ANKRD36C: variants seen among roughly 807,000 people sequenced by gnomAD.
The protein encoded by ANKRD36C is ankyrin repeat domain 36C, also known as ankyrin repeat domain-containing protein 36C.
A neutral mutation model predicts 276.4 loss-of-function variants in ANKRD36C; 61 were observed. That is an observed-to-expected ratio of 0.22 (90% CI 0.18 to 0.27). The LOEUF (loss-of-function observed/expected upper bound fraction) is 0.27, where lower values mean the gene tolerates loss of function less well. Among genes scored for constraint, ANKRD36C ranks in the 10% least tolerant of loss-of-function variants. The probability of loss-of-function intolerance (pLI) is 1.00; values close to 1 mark genes in which losing one functional copy is unlikely to be tolerated. For missense variants in ANKRD36C, 1,447 were observed against 2,032.3 expected, an observed-to-expected ratio of 0.71 and a Z score of 5.54; for synonymous variants, 483 against 680.1, an observed-to-expected ratio of 0.71 and a Z score of 4.51.
chr2:95,960,603 A>G, intron 9 of ANKRD36C, 36 bp downstream of exon 9: 1 of 1,355,160 alleles, frequency 7.4e-7, no homozygotes, highest in Non-Finnish European at 1.0e-6. Flanking sequence ...TAGACTATAC[A>G]GTTAATTATT....
intron 52 of ANKRD36C, among the ~76,000 whole-genome samples, 163 bp from the exon 73 acceptor site, chr2:95,884,531 C>T (rs1237735895): frequency 6.6e-6 from 1 of 151,890 alleles, no homozygotes. Context: ...CAGAAATACA[C>T]TGAAAAAAGT....
intron 52 of ANKRD36C, 26 bp downstream of exon 72, chr2:95,886,022 T>C (rs1474719408): frequency 6.3e-7 from 1 of 1,598,268 alleles, no homozygotes; most frequent in East Asian, 2.3e-5. Context: ...GATCGAACAT[T>C]ACATTAAAGG....
intron 44 of ANKRD36C, among the ~76,000 whole-genome samples, chr2:95,892,314 G>A (rs1157526254): frequency 6.6e-6 from 1 of 151,520 alleles, no homozygotes; most frequent in Non-Finnish European, 1.5e-5. Flanking sequence ...TAATGAGAAG[G>A]CACACAATTA....
At chr2:95,862,202 C>T (rs532196541) in intron 60 of ANKRD36C, among the ~76,000 whole-genome samples, 30 of 151,984 alleles carry the variant, frequency 2.0e-4, no homozygotes, top group African/African-American at 6.8e-4. Context: ...AGAAAATCAG[C>T]GAGAATAGAC....
chr2:95,988,939 G>T (rs568599602), intron 1 of ANKRD36C, among the ~76,000 whole-genome samples: 1 of 152,058 alleles, frequency 6.6e-6, no homozygotes, highest in South Asian at 2.1e-4. Flanking sequence ...AGGCCGAGGC[G>T]GGGGGATCAC....
In ANKRD36C at chr2:95,855,651, G is replaced by A. The variant is rs763485870; in HGVS notation, c.4610C>T (p.Ala1537Val). ...AAAAACCAAAGCCTTTTCTTTCAGA[G>A]CCTCTCCTGTGTAATGGAGCTCAGT... is the stretch of plus-strand genomic sequence containing the variant. Residue 1537 changes from alanine to valine, a missense_variant, in exon 63 of 67, where the codon GCT becomes GTT. Physicochemically the swap from Ala to Val is moderately conservative, Grantham distance 64. This residue lies in a region of ANKRD36C where 437 missense variants were observed against 641.0 expected (regional missense o/e 0.68). Transcript: ENST00000456556. The A allele has an allele frequency of 4.3e-6, 7 of 1,611,214 alleles. No homozygotes were observed. The East Asian group carries it at 1.6e-4, about 36-fold the overall frequency.
At chr2:95,974,324 G>A (rs1678761048) in intron 6 of ANKRD36C, among the ~76,000 whole-genome samples, 1 of 152,076 alleles carries the variant, frequency 6.6e-6, no homozygotes, top group Non-Finnish European at 1.5e-5. Flanking sequence ...CTGTCACTGT[G>A]CTAAAGATAT....
intron 20 of ANKRD36C, 127 bp from the exon 21 acceptor site, chr2:95,939,142 T>C: frequency 6.8e-7 from 1 of 1,471,282 alleles, no homozygotes; most frequent in Non-Finnish European, 8.9e-7. Context: ...CATTAGGCTT[T>C]GGGTTGTTTT....
chr2:95,960,589 T>C, intron 9 of ANKRD36C, 44 bp from the exon 10 acceptor site: 1 of 1,334,736 alleles, frequency 7.5e-7, no homozygotes, highest in Non-Finnish European at 1.0e-6. Flanking sequence ...TAAAGTATAT[T>C]TCATAGACTA....
At chr2:95,965,768 A>G (rs1365703127) in intron 6 of ANKRD36C, among the ~76,000 whole-genome samples, 1 of 152,118 alleles carries the variant, frequency 6.6e-6, no homozygotes, top group Non-Finnish European at 1.5e-5. Context: ...CTGGGTCAAC[A>G]TGGATAGATC....
intron 14 of ANKRD36C, among the ~76,000 whole-genome samples, chr2:95,952,355 A>T (rs1242677888): frequency 7.3e-5 from 11 of 151,194 alleles, no homozygotes; most frequent in South Asian, 4.2e-4. Flanking sequence ...AACCATGATG[A>T]TTGATCTGAA....
At chr2:95,967,992 C>T (rs1307783286) in intron 6 of ANKRD36C, among the ~76,000 whole-genome samples, 2 of 151,740 alleles carry the variant, frequency 1.3e-5, no homozygotes, top group East Asian at 1.9e-4. Flanking sequence ...CTCGGGAGGC[C>T]GAAACATGAG....
chr2:95,892,737 T>C (rs1248891167), intron 44 of ANKRD36C, among the ~76,000 whole-genome samples: 2 of 151,290 alleles, frequency 1.3e-5, no homozygotes, highest in Non-Finnish European at 3.0e-5. Flanking sequence ...CACGTTGTTC[T>C]CTAAAGAAGT....
chr2:95,882,665 G>C (rs1285011188), intron 54 of ANKRD36C, among the ~76,000 whole-genome samples, 168 bp from the exon 75 acceptor site: 1 of 152,070 alleles, frequency 6.6e-6, no homozygotes, highest in Admixed American at 6.6e-5. Flanking sequence ...ATACACTGAA[G>C]AAAATAGGAA....
At chr2:95,873,556 A>G (rs1390216490) in intron 59 of ANKRD36C, among the ~76,000 whole-genome samples, 1 of 152,230 alleles carries the variant, frequency 6.6e-6, no homozygotes, top group Admixed American at 6.5e-5. Context: ...CCCACAGCCA[A>G]TATCATACTG....
At chr2:95,853,375 C>T (rs901335146) in intron 64 of ANKRD36C, 12 of 195,938 alleles carry the variant, frequency 6.1e-5, no homozygotes, top group African/African-American at 2.4e-4. Flanking sequence ...TAAAAATAGA[C>T]GTTTAACAGG....
At chr2:95,944,511 C>T in intron 19 of ANKRD36C, 116 bp downstream of exon 19, 1 of 1,103,236 alleles carries the variant, frequency 9.1e-7, no homozygotes, top group Non-Finnish European at 1.3e-6. Flanking sequence ...AACTATTTTC[C>T]AAATAAAACA....
At chr2:95,889,692 T>C (rs1373796079) in intron 48 of ANKRD36C, 107 bp downstream of exon 68, 4 of 1,414,524 alleles carry the variant, frequency 2.8e-6, no homozygotes, top group African/African-American at 1.4e-5. Context: ...TCAGGAATAC[T>C]GAATCAGAAC....
intron 40 of ANKRD36C, 79 bp from the exon 43 acceptor site, chr2:95,912,514 C>T (rs897009179): frequency 2.9e-5 from 46 of 1,592,542 alleles, no homozygotes; most frequent in Admixed American, 1.0e-4. Flanking sequence ...GTGTTAGCAT[C>T]AACCTCTGAC....
Sources: gnomAD v4.1 joint callset for allele counts (sites outside exome capture counted in the v4.1 genomes callset) on GRCh38, gnomAD v4.1.1 for gene constraint, gnomAD v4.1.1 regional missense constraint, MANE v1.5 for transcripts, NCBI Gene and HGNC (gene_info 2026-07-23, HGNC 2026-07-21) for gene names.